The following ANO2 variants were observed in gnomAD, a reference collection of about 807,000 sequenced individuals.
ANO2 encodes anoctamin 2, also known as anoctamin-2.
Under a neutral mutation model 124.2 loss-of-function variants are expected in ANO2, and 101 were observed. The observed-to-expected ratio is 0.81, with a 90% CI of 0.69 to 0.96. ANO2 has a LOEUF of 0.96. ANO2 is among the 40% of genes least tolerant of loss of function. ANO2 has a pLI of 0.00. For synonymous variants in ANO2, 486 were observed against 482.5 expected (o/e 1.01, Z -0.09); for missense variants, 1,293 against 1,274.5 (o/e 1.01, Z -0.22).
chr12:5,668,909 C>CT (rs565195532), intron 14 of ANO2, among the ~76,000 whole-genome samples: 10 of 152,076 alleles, frequency 6.6e-5, no homozygotes, highest in Non-Finnish European at 1.3e-4. Context: ...GTCTGTGTGC[C>CT]TTTTTTTGTA....
chr12:5,748,631 T>G (rs1334326953), intron 11 of ANO2, among the ~76,000 whole-genome samples: 1 of 152,168 alleles, frequency 6.6e-6, no homozygotes, highest in Non-Finnish European at 1.5e-5. Flanking sequence ...GTGTATAACA[T>G]TGATCTCTTA....
chr12:5,632,096 C>T (rs953915272), intron 16 of ANO2, among the ~76,000 whole-genome samples: 6 of 152,066 alleles, frequency 3.9e-5, no homozygotes, highest in Non-Finnish European at 7.4e-5. Flanking sequence ...TCCCCGATAC[C>T]CACTGCCACA....
At chr12:5,805,404 T>A (rs898069184) in intron 9 of ANO2, among the ~76,000 whole-genome samples, 7 of 152,020 alleles carry the variant, frequency 4.6e-5, no homozygotes, top group African/African-American at 1.7e-4. Context: ...CATCGGTGCA[T>A]CCCCACTGAA....
At chr12:5,603,870 G>A (rs928338344) in intron 19 of ANO2, among the ~76,000 whole-genome samples, 9 of 149,342 alleles carry the variant, frequency 6.0e-5, no homozygotes, top group East Asian at 2.0e-4. Flanking sequence ...GCATGAACCC[G>A]GGAGGCGGAG....
chr12:5,679,567 C>T lies in ANO2; in HGVS notation c.1546-31766G>A, dbSNP rs930785488. Among the ~76,000 whole-genome samples, 5 of 152,040 alleles carry T rather than the reference C, an allele frequency of 3.3e-5. No homozygotes were observed. In the East Asian group the frequency reaches 9.6e-4, roughly 29 times the overall value. On this transcript the variant is annotated intron_variant, in intron 14 of 24. Coordinates refer to ENST00000682330, the MANE Select transcript of ANO2 (RefSeq NM_001364791.2). ...AATATCACTGATCATTATAAAAATG[C>T]AAATCAAAAACCACAATGAGATACC...
intron 14 of ANO2, among the ~76,000 whole-genome samples, chr12:5,650,327 A>C (rs1946857263): frequency 6.6e-6 from 1 of 152,242 alleles, no homozygotes; most frequent in Admixed American, 6.5e-5. Context: ...ATGTCCTCTC[A>C]AAGCAACTTA....
chr12:5,575,864 G>T lies in ANO2; in HGVS notation c.2591C>A (p.Ser864Ter), dbSNP rs1293459499. Residue 864 changes from serine (S) to a stop codon, truncating the protein, a stop_gained, in exon 23 of 25, where the codon TCA becomes TAA. Coordinates refer to ENST00000682330, the MANE Select transcript of ANO2 (RefSeq NM_001364791.2). LOFTEE classifies it high-confidence loss of function. ...QLKEGTQPEN[S>*]QFDQEVQFCR... ...GAACTGAACCTCCTGGTCAAACTGTGAGTTTTCTGGCTGCGTCCCCTCCTT... is the reference window on the plus strand; with the variant it reads ...GAACTGAACCTCCTGGTCAAACTGTTAGTTTTCTGGCTGCGTCCCCTCCTT... 2.5e-6 allele frequency: 4 copies of T among 1,613,804 alleles called. No homozygotes were observed. The African/African-American group carries it at 4.0e-5, about 16-fold the overall frequency.
At chr12:5,905,558 C>G (rs772136002) in intron 3 of ANO2, among the ~76,000 whole-genome samples, 29 of 152,142 alleles carry the variant, frequency 1.9e-4, no homozygotes, top group Non-Finnish European at 3.2e-4. Context: ...TTCCTGATGA[C>G]TGGAAAAGAT....
chr12:5,624,266 G>A (rs568977566), intron 16 of ANO2, among the ~76,000 whole-genome samples: 6 of 151,004 alleles, frequency 4.0e-5, no homozygotes, highest in African/African-American at 1.5e-4. Context: ...GAGAGAAACA[G>A]ACAGACAGAC....
At chr12:5,744,668 T>G (rs1370955596) in intron 11 of ANO2, among the ~76,000 whole-genome samples, 2 of 152,212 alleles carry the variant, frequency 1.3e-5, no homozygotes, top group South Asian at 2.1e-4. Flanking sequence ...TCCACAGTTG[T>G]GAATAAATCA....
chr12:5,874,946 T>C (rs1937989763), intron 3 of ANO2, among the ~76,000 whole-genome samples: 1 of 152,158 alleles, frequency 6.6e-6, no homozygotes, highest in African/African-American at 2.4e-5. Context: ...TGAATAAGTG[T>C]AGGTGAATTC....
In ANO2 at chr12:5,642,762, G is replaced by A. The variant is rs574660811; in HGVS notation, c.1620+4965C>T. Among the ~76,000 whole-genome samples, 122 of 152,248 alleles carry A rather than the reference G, an allele frequency of 8.0e-4. 1 individual carries two copies. The highest frequency in any genetic ancestry group is 2.8e-3 in the African/African-American group (117 of 41,552). On this transcript the variant is annotated intron_variant, in intron 15 of 24. Coordinates refer to ENST00000682330, the MANE Select transcript of ANO2 (RefSeq NM_001364791.2). ...CAGGGCCCTACCTACAGGGCTCCTC[G>A]TTACTTCTCTCACTGTGTCTCCCTG...
Position 5,908,981 on chromosome 12 carries a change from T to C in ANO2, c.534+12059A>G, listed in dbSNP as rs1350909730. On this transcript the variant is annotated intron_variant, in intron 3 of 24. Coordinates refer to ENST00000682330, the MANE Select transcript of ANO2 (RefSeq NM_001364791.2). This position sits in a 1 kb window ranked among gnomAD's most constrained non-coding sequence, Gnocchi z 4.7. ...AGGGTCATCCGCCTTTTGAGCAGAA[T>C]GCATCATTACACGCTGTAGGTCCAC... 6.6e-6 allele frequency among the ~76,000 whole-genome samples: 1 copy of C among 152,180 alleles called. No individual in the cohort carries two copies. The highest frequency in any genetic ancestry group is 1.5e-5 in the Non-Finnish European group (1 of 68,034).
chr12:5,875,091 G>A (rs1938000942), intron 3 of ANO2, among the ~76,000 whole-genome samples: 1 of 152,190 alleles, frequency 6.6e-6, no homozygotes, highest in African/African-American at 2.4e-5. Context: ...CACTGAAATT[G>A]TTTACATGTC....
chr12:5,668,619 C>T (rs1947850044), intron 14 of ANO2, among the ~76,000 whole-genome samples: 1 of 152,152 alleles, frequency 6.6e-6, no homozygotes, highest in Admixed American at 6.5e-5. Context: ...GAAATCTTTG[C>T]CCGTGCCTAT....
intron 20 of ANO2, among the ~76,000 whole-genome samples, chr12:5,595,041 A>G (rs137897292): frequency 1.3e-5 from 2 of 152,330 alleles, no homozygotes; most frequent in Middle Eastern, 3.4e-3. Flanking sequence ...TTCACCATCA[A>G]TTAAGCCCTG....
chr12:5,679,240 G>A (rs1591884768), intron 14 of ANO2, among the ~76,000 whole-genome samples: 3 of 152,158 alleles, frequency 2.0e-5, no homozygotes, highest in South Asian at 4.1e-4. Context: ...AAGATTTCAC[G>A]ATGAAAATGT....
chr12:5,907,948 G>T (rs997928225), intron 3 of ANO2, among the ~76,000 whole-genome samples: 3 of 152,226 alleles, frequency 2.0e-5, no homozygotes, highest in East Asian at 1.9e-4. Flanking sequence ...TGGGATGCCA[G>T]ACCCTGCTCA....
chr12:5,870,445 A>G (rs980959165), intron 3 of ANO2: 1 of 152,154 alleles, frequency 6.6e-6, no homozygotes, highest in Admixed American at 6.5e-5. Flanking sequence ...TTCCCTATAC[A>G]ATGACAGCAT....
Sources: gnomAD v4.1 joint callset for allele counts (sites outside exome capture counted in the v4.1 genomes callset) on GRCh38, gnomAD v4.1.1 for gene constraint, Gnocchi (gnomAD v3.1) non-coding constraint, MANE v1.5 for transcripts, NCBI Gene and HGNC (gene_info 2026-07-23, HGNC 2026-07-21) for gene names.